The following CNR1 variants were observed in gnomAD, a reference collection of about 807,000 sequenced individuals.
The protein encoded by CNR1 is cannabinoid receptor 1, also known as cannabinoid receptor 1 (brain).
A neutral mutation model predicts 23.0 loss-of-function variants in CNR1; 10 were observed. That is an observed-to-expected ratio of 0.43 (90% CI 0.27 to 0.74). CNR1 has a LOEUF of 0.74. CNR1 is among the 30% of genes least tolerant of loss of function. The probability of loss-of-function intolerance (pLI) is 0.19; values close to 1 mark genes in which losing one functional copy is unlikely to be tolerated. For missense variants in CNR1, 422 were observed against 618.8 expected (o/e 0.68, Z 3.37); for synonymous variants, 271 against 255.2 (o/e 1.06, Z -0.59).
At chr6:88,163,333 C>A (rs74543734) in intron 1 of CNR1, among the ~76,000 whole-genome samples, 2,785 of 152,270 alleles carry the variant, frequency 0.018, 92 homozygotes, top group African/African-American at 0.063. Context: ...TCCTGGATAG[C>A]TAGTTATGGG....
chr6:88,154,590 A>G (rs902901653), intron 1 of CNR1, among the ~76,000 whole-genome samples: 1 of 151,632 alleles, frequency 6.6e-6, no homozygotes, highest in African/African-American at 2.4e-5. Context: ...TTATTTTTTT[A>G]TTTTTTGAGA....
rs972650951 is a variant in CNR1, at chr6:88,143,600, C to T, written c.*256G>A. 2.1e-5 allele frequency: 8 copies of T among 383,630 alleles called. No individual in the cohort carries two copies. In the East Asian group the frequency reaches 3.2e-4, roughly 15 times the overall value. The allele number at this position is 383,630 out of a possible 1,614,324, so 23.8% of individuals were successfully genotyped here. ...AATTGTGTAGCCAAAGGTTTCCCTCCTATTTCATTGAGACTTTGAAGGATC... is the reference window on the plus strand; with the variant it reads ...AATTGTGTAGCCAAAGGTTTCCCTCTTATTTCATTGAGACTTTGAAGGATC... On this transcript the variant is annotated 3_prime_UTR_variant, in exon 2 of 2. Transcript: ENST00000369501.
chr6:88,153,878 CA>C (rs1193331792), intron 1 of CNR1, among the ~76,000 whole-genome samples: 2 of 152,182 alleles, frequency 1.3e-5, no homozygotes, highest in African/African-American at 4.8e-5. Flanking sequence ...GTTGAATGGG[CA>C]ATGAGTCTTT....
chr6:88,150,345 GT>G (rs902072585), intron 1 of CNR1, among the ~76,000 whole-genome samples: 13 of 152,064 alleles, frequency 8.5e-5, no homozygotes, highest in African/African-American at 2.4e-4. Context: ...CAGCCACCTA[GT>G]TTTTTTTCTC....
chr6:88,163,766 C>A (rs1778228174), intron 1 of CNR1, among the ~76,000 whole-genome samples: 1 of 152,204 alleles, frequency 6.6e-6, no homozygotes, highest in African/African-American at 2.4e-5. Context: ...TCATTCCCAG[C>A]AGTTTCATCT....
chr6:88,152,091 T>C (rs1777549616), intron 1 of CNR1, among the ~76,000 whole-genome samples: 2 of 152,022 alleles, frequency 1.3e-5, no homozygotes, highest in African/African-American at 4.8e-5. Context: ...TTAAGTCTTC[T>C]GGATTCTTAG....
intron 1 of CNR1, among the ~76,000 whole-genome samples, chr6:88,149,675 C>G (rs1235561241): frequency 1.3e-5 from 2 of 152,174 alleles, no homozygotes; most frequent in African/African-American, 4.8e-5. Flanking sequence ...TTCACCTTGT[C>G]CCTTCTTTTA....
chr6:88,164,926 G>T (rs1778292136), intron 1 of CNR1, among the ~76,000 whole-genome samples: 1 of 152,104 alleles, frequency 6.6e-6, no homozygotes, highest in African/African-American at 2.4e-5. Context: ...TCTCTTATTG[G>T]ATTACATGCC....
intron 1 of CNR1, among the ~76,000 whole-genome samples, chr6:88,159,891 C>A (rs1185435399): frequency 6.6e-6 from 1 of 152,068 alleles, no homozygotes; most frequent in Non-Finnish European, 1.5e-5. Flanking sequence ...CATTAAGTCC[C>A]TCATATAAAG....
rs1446826718 is a variant in CNR1, at chr6:88,140,480, T to G, written c.*3376A>C. On this transcript the variant is annotated 3_prime_UTR_variant, in exon 2 of 2. Coordinates refer to ENST00000369501, the MANE Select transcript of CNR1 (RefSeq NM_016083.6). ...CAAATCAGTAGATAGAATGTTTTTT[T>G]CTATATTACAATAGGCATTGTTAAC... 6.5e-6 allele frequency: 1 copy of G among 152,802 alleles called. No homozygotes were observed. The allele number at this position is 152,802 out of a possible 1,614,324, so 9.5% of individuals were successfully genotyped here.
chr6:88,147,573 AAAAGT>A (rs1480648584), intron 1 of CNR1: 1 of 152,208 alleles, frequency 6.6e-6, no homozygotes, highest in African/African-American at 2.4e-5. Flanking sequence ...GATTCTTAAG[AAAAGT>A]AATTTGGAAC....
upstream of CNR1, among the ~76,000 whole-genome samples, chr6:88,166,734 G>A (rs1778385306): frequency 6.6e-6 from 1 of 152,150 alleles, no homozygotes; most frequent in African/African-American, 2.4e-5. Flanking sequence ...CACGCTCCCG[G>A]GCAGCGCGCA....
intron 1 of CNR1, among the ~76,000 whole-genome samples, chr6:88,148,796 C>T (rs577959833): frequency 6.6e-6 from 1 of 152,240 alleles, no homozygotes; most frequent in African/African-American, 2.4e-5. Flanking sequence ...AGAAAGAGCC[C>T]TCAGCACTAA....
chr6:88,166,931 G>A (rs998538630), upstream of CNR1, among the ~76,000 whole-genome samples: 3 of 151,832 alleles, frequency 2.0e-5, no homozygotes, highest in African/African-American at 7.2e-5. Context: ...CTGAGCTTTG[G>A]GACCGCGCTG....
upstream of CNR1, among the ~76,000 whole-genome samples, chr6:88,166,905 T>TG (rs1778393224): frequency 6.6e-6 from 1 of 151,780 alleles, no homozygotes; most frequent in African/African-American, 2.4e-5. Flanking sequence ...GGCAGCGAGC[T>TG]GGGCCCGGGG....
chr6:88,160,030 A>G (rs1309364649), intron 1 of CNR1, among the ~76,000 whole-genome samples: 2 of 152,146 alleles, frequency 1.3e-5, no homozygotes, highest in Non-Finnish European at 1.5e-5. Context: ...TTGCTATATT[A>G]AAAACATCAT....
At chr6:88,160,782 A>G (rs1430438521) in intron 1 of CNR1, among the ~76,000 whole-genome samples, 1 of 152,186 alleles carries the variant, frequency 6.6e-6, no homozygotes, top group African/African-American at 2.4e-5. Flanking sequence ...GCTAGCTTGA[A>G]TGTAATACTC....
chr6:88,150,783 T>C (rs1278736434), intron 1 of CNR1, among the ~76,000 whole-genome samples: 1 of 152,248 alleles, frequency 6.6e-6, no homozygotes, highest in African/African-American at 2.4e-5. Flanking sequence ...AGCTCTCTCA[T>C]ATATTGTGAC....
At chr6:88,155,126 A>G (rs1777726698) in intron 1 of CNR1, among the ~76,000 whole-genome samples, 1 of 152,218 alleles carries the variant, frequency 6.6e-6, no homozygotes, top group Non-Finnish European at 1.5e-5. Flanking sequence ...AGTATGCTAT[A>G]TGATATCCAA....
Sources: allele counts gnomAD v4.1 joint callset (sites outside exome capture counted in the v4.1 genomes callset), GRCh38; gene constraint gnomAD v4.1.1; transcripts MANE v1.5; gene names NCBI Gene and HGNC (gene_info 2026-07-23, HGNC 2026-07-21).